The following ITGA11 variants were observed in gnomAD, a reference collection of about 807,000 sequenced individuals.
The protein encoded by ITGA11 is integrin alpha-11.
In ITGA11, 97 loss-of-function variants were observed where a neutral mutation model predicts 141.9. The ratio of observed to expected loss-of-function variants is 0.68; its 90% CI spans 0.58 to 0.81. The LOEUF (loss-of-function observed/expected upper bound fraction) is 0.81. Among genes scored for constraint, ITGA11 ranks in the 30% least tolerant of loss-of-function variants. The pLI, the probability that ITGA11 is intolerant of heterozygous loss-of-function variation, is 0.00. For missense variants in ITGA11, 1,387 were observed against 1,559.2 expected, an observed-to-expected ratio of 0.89 and a Z score of 1.86; for synonymous variants, 658 against 624.6, an observed-to-expected ratio of 1.05 and a Z score of -0.80.
At position 68,299,311 on chromosome 15, in the gene ITGA11, A is replaced by G. The variant is rs938693857; in HGVS notation, c.*3748T>C. 1.3e-5 allele frequency: 2 copies of G among 152,162 alleles called. No individual in the cohort carries two copies. The highest frequency in any genetic ancestry group is 2.9e-5 in the Non-Finnish European group (2 of 68,038). 9.4% of individuals were successfully genotyped at this position (152,162 alleles called of 1,614,324 possible). On this transcript the variant is annotated 3_prime_UTR_variant, in exon 30 of 30. Coordinates refer to ENST00000315757, the MANE Select transcript of ITGA11 (RefSeq NM_001004439.2). Reference sequence around the variant, plus strand: ...CATGATGTTGAAACTAATAGAATAGACAGTGACACAAAAGCACTGTGCAGA... The same window carrying G: ...CATGATGTTGAAACTAATAGAATAGGCAGTGACACAAAAGCACTGTGCAGA...
intron 1 of ITGA11, among the ~76,000 whole-genome samples, chr15:68,410,115 A>G (rs1427800914): frequency 6.6e-6 from 1 of 152,228 alleles, no homozygotes; most frequent in Non-Finnish European, 1.5e-5. Flanking sequence ...CTGGTATACC[A>G]GAAGGATGGG....
At chr15:68,348,046 A>G (rs16951835) in intron 10 of ITGA11, among the ~76,000 whole-genome samples, 3,562 of 152,288 alleles carry the variant, frequency 0.023, 141 homozygotes, top group African/African-American at 0.081. Context: ...CCCACATGAC[A>G]ATCCTGGGCA....
chr15:68,316,614 C>T (rs544317140), intron 21 of ITGA11, among the ~76,000 whole-genome samples: 1 of 152,332 alleles, frequency 6.6e-6, no homozygotes, highest in East Asian at 1.9e-4. Context: ...ATCCCCACTC[C>T]CATTTCTTTC....
chr15:68,383,583 G>C (rs1043019664), intron 2 of ITGA11, among the ~76,000 whole-genome samples: 1 of 152,180 alleles, frequency 6.6e-6, no homozygotes, highest in Admixed American at 6.5e-5. Context: ...AAGCCTCAAT[G>C]GTTGACTAGA....
intron 11 of ITGA11, among the ~76,000 whole-genome samples, chr15:68,338,337 G>A (rs546437208): frequency 4.6e-5 from 7 of 152,310 alleles, no homozygotes; most frequent in South Asian, 2.1e-4. Context: ...AATTATCTGC[G>A]CACATGTCTG....
chr15:68,358,726 T>A lies in ITGA11; in HGVS notation c.473-141A>T, dbSNP rs866224053. The A allele has an allele frequency of 3.2e-6, 3 of 936,908 alleles. No individual in the cohort carries two copies. The East Asian group carries it at 8.5e-5, about 27-fold the overall frequency. 58.0% of individuals were successfully genotyped at this position (936,908 alleles called of 1,614,324 possible). ...CTGGGCTGGGAAACTGTCCTTGGGT[T>A]GGACATTTATTTGGGCAATGTGAGT... On this transcript the variant is annotated intron_variant, in intron 5 of 29. Transcript: ENST00000315757.
At chr15:68,339,220 G>A (rs1894476619) in intron 11 of ITGA11, among the ~76,000 whole-genome samples, 1 of 152,220 alleles carries the variant, frequency 6.6e-6, no homozygotes, top group East Asian at 1.9e-4. Context: ...CCAGAGTCTA[G>A]AAGCACCAAA....
At chr15:68,403,554 A>G (rs1437106314) in intron 1 of ITGA11, among the ~76,000 whole-genome samples, 1 of 152,186 alleles carries the variant, frequency 6.6e-6, no homozygotes, top group African/African-American at 2.4e-5. Context: ...CATTAGAAGC[A>G]GATGCTGGCA....
chr15:68,410,609 G>T (rs1896751881), intron 1 of ITGA11, among the ~76,000 whole-genome samples: 1 of 152,342 alleles, frequency 6.6e-6, no homozygotes, highest in African/African-American at 2.4e-5. Flanking sequence ...CTGCATTGCT[G>T]CCCCTTTTGC....
chr15:68,380,851 C>T (rs1895844099), intron 2 of ITGA11, among the ~76,000 whole-genome samples: 1 of 152,126 alleles, frequency 6.6e-6, no homozygotes, highest in African/African-American at 2.4e-5. Flanking sequence ...TCTGACTTTC[C>T]AAGTCCTCTC....
chr15:68,315,121 A>T lies in ITGA11; in HGVS notation c.2792+530T>A, dbSNP rs113194546. On this transcript the variant is annotated intron_variant, in intron 22 of 29. Coordinates refer to ENST00000315757, the MANE Select transcript of ITGA11 (RefSeq NM_001004439.2). ...GTAAGAAAAGGCCTCTTAAAAATAG[A>T]AAAAGGGGAGAGAGGTGACTAGGAC... Among the ~76,000 whole-genome samples, 1,046 of 152,308 alleles carry T rather than the reference A, an allele frequency of 6.9e-3. 9 individuals are homozygous for T. Among genetic ancestry groups the T allele is most frequent in the Non-Finnish European group, 0.012 (835 of 68,024 alleles).
chr15:68,431,411 C>T (rs372201691), intron 1 of ITGA11, among the ~76,000 whole-genome samples: 1 of 152,352 alleles, frequency 6.6e-6, no homozygotes, highest in African/African-American at 2.4e-5. Flanking sequence ...CGACTGTGTC[C>T]CGCCGCTGCT....
intron 5 of ITGA11, 28 bp downstream of exon 5, chr15:68,361,562 T>C: frequency 1.4e-6 from 2 of 1,466,028 alleles, no homozygotes; most frequent in South Asian, 1.2e-5. Flanking sequence ...ACTGCTCAGC[T>C]TGAGGTTGCA....
intron 2 of ITGA11, among the ~76,000 whole-genome samples, chr15:68,383,102 T>C (rs1369622472): frequency 1.3e-5 from 2 of 151,968 alleles, no homozygotes; most frequent in Non-Finnish European, 2.9e-5. Flanking sequence ...AAACTCCACC[T>C]CTACTAAAAA....
chr15:68,365,291 C>A (rs1054049551), intron 3 of ITGA11: 1 of 985,386 alleles, frequency 1.0e-6, no homozygotes, highest in Non-Finnish European at 1.2e-6. Flanking sequence ...CTGAGAGTTT[C>A]CTCTCATGGG....
rs1180463511 is a variant in ITGA11 at position 68,321,009 on chromosome 15, A to G, written c.2408+409T>C. The stretch of plus-strand genomic sequence containing the variant: ...CTCACCCTCGGCTGGTGTCCCTGGC[A>G]TCTTTCCATCAGAAGGATTGGAAAG... On this transcript the variant is annotated intron_variant, in intron 19 of 29. Coordinates refer to ENST00000315757, the MANE Select transcript of ITGA11 (RefSeq NM_001004439.2). This position sits in a 1 kb window ranked among gnomAD's most constrained non-coding sequence, Gnocchi z 4.9. Among the ~76,000 whole-genome samples the G allele has an allele frequency of 1.3e-5, 2 of 152,080 alleles. No homozygotes were observed. The highest frequency in any genetic ancestry group is 4.8e-5 in the African/African-American group (2 of 41,388).
intron 1 of ITGA11, among the ~76,000 whole-genome samples, chr15:68,412,906 C>T (rs2140426536): frequency 6.6e-6 from 1 of 152,104 alleles, no homozygotes; most frequent in Middle Eastern, 3.4e-3. Flanking sequence ...GAACTCCTGA[C>T]CTCAAGTGAT....
intron 18 of ITGA11, among the ~76,000 whole-genome samples, chr15:68,323,965 T>C (rs1163358387): frequency 6.6e-6 from 1 of 152,224 alleles, no homozygotes; most frequent in African/African-American, 2.4e-5. Flanking sequence ...ATCTGCACTG[T>C]GGGCTTCAGC....
In ITGA11 at chr15:68,339,650, A is replaced by C. The variant is rs1216181432; in HGVS notation, c.1132-6T>G. 1 of 1,613,888 alleles carries C rather than the reference A, an allele frequency of 6.2e-7. No homozygotes were observed. The highest frequency in any genetic ancestry group is 8.5e-7 in the Non-Finnish European group (1 of 1,179,864). On this transcript the variant is annotated splice_polypyrimidine_tract_variant and splice_region_variant and intron_variant, in intron 10 of 29. Transcript: ENST00000315757. ...GCTCCCAGCAGAACCCCATCCTGGC[A>C]TTGGGGAGGGGACACACATCAGCAC...
Sources: gnomAD v4.1 joint callset for allele counts (sites outside exome capture counted in the v4.1 genomes callset) on GRCh38, gnomAD v4.1.1 for gene constraint, Gnocchi (gnomAD v3.1) non-coding constraint, MANE v1.5 for transcripts, NCBI Gene and HGNC (gene_info 2026-07-23, HGNC 2026-07-21) for gene names.